The following MMP16 variants were observed in gnomAD, a reference collection of about 807,000 sequenced individuals.
The protein encoded by MMP16 is matrix metalloproteinase-16.
MMP16 carries 12 observed loss-of-function variants against 67.8 expected under a neutral mutation model. That is an observed-to-expected ratio of 0.18 (90% confidence interval 0.11 to 0.29). The LOEUF (loss-of-function observed/expected upper bound fraction) is 0.29. MMP16 is among the 10% of genes least tolerant of loss of function. The pLI is 1.00. For missense variants in MMP16, 475 were observed against 765.7 expected (o/e 0.62, Z 4.48); for synonymous variants, 249 against 255.9 (o/e 0.97, Z 0.26).
intron 4 of MMP16, among the ~76,000 whole-genome samples, chr8:88,153,525 T>G (rs1586178101): frequency 6.6e-6 from 1 of 151,858 alleles, no homozygotes; most frequent in African/African-American, 2.4e-5. Context: ...GAGATATAGA[T>G]CAATGGAACA....
intron 1 of MMP16, among the ~76,000 whole-genome samples, chr8:88,283,175 T>C (rs1162303712): frequency 2.0e-5 from 3 of 152,194 alleles, no homozygotes; most frequent in Non-Finnish European, 4.4e-5. Flanking sequence ...TTTAACATAG[T>C]TACATTGATT....
At chr8:88,280,042 ACATCTCT>A (rs757458344) in intron 1 of MMP16, among the ~76,000 whole-genome samples, 8 of 152,142 alleles carry the variant, frequency 5.3e-5, no homozygotes, top group Non-Finnish European at 1.2e-4. Flanking sequence ...CCTCCCTCCC[ACATCTCT>A]CATGACCAAG....
chr8:88,092,496 T>C (rs1808954912), intron 6 of MMP16, among the ~76,000 whole-genome samples: 1 of 151,876 alleles, frequency 6.6e-6, no homozygotes, highest in African/African-American at 2.4e-5. Context: ...TACTTATGTA[T>C]ATTTATGTGA....
chr8:88,036,728 T>C lies in MMP16; in HGVS notation c.*4733A>G, dbSNP rs1192073789. ...TACATATTGGCTGAGATTGCTGTAATAGGTCATCTGAAATGCACATTTTTG... is the reference window on the plus strand; with the variant it reads ...TACATATTGGCTGAGATTGCTGTAACAGGTCATCTGAAATGCACATTTTTG... On this transcript the variant is annotated 3_prime_UTR_variant, in exon 10 of 10. Coordinates refer to ENST00000286614, the MANE Select transcript of MMP16 (RefSeq NM_005941.5). 6.6e-6 allele frequency: 1 copy of C among 151,780 alleles called. No individual in the cohort carries two copies. Among genetic ancestry groups the C allele is most frequent in the Non-Finnish European group, 1.5e-5 (1 of 67,800 alleles). 9.4% of individuals were successfully genotyped at this position (151,780 alleles called of 1,614,324 possible).
chr8:88,292,775 G>A (rs1810946000), intron 1 of MMP16, among the ~76,000 whole-genome samples: 1 of 152,158 alleles, frequency 6.6e-6, no homozygotes, highest in African/African-American at 2.4e-5. Flanking sequence ...GAAACACATG[G>A]CTGAAAGGAT....
chr8:88,102,060 C>T (rs1470449671), intron 6 of MMP16, among the ~76,000 whole-genome samples: 1 of 151,878 alleles, frequency 6.6e-6, no homozygotes, highest in Non-Finnish European at 1.5e-5. Context: ...CTTCTGCTCT[C>T]ATATCAACAC....
chr8:88,242,408 T>G (rs949379878), intron 1 of MMP16, among the ~76,000 whole-genome samples: 1 of 152,222 alleles, frequency 6.6e-6, no homozygotes, highest in African/African-American at 2.4e-5. Context: ...TCAAGACACT[T>G]CCATACAAGG....
chr8:88,120,166 A>G (rs1319546280), intron 4 of MMP16, among the ~76,000 whole-genome samples: 1 of 151,918 alleles, frequency 6.6e-6, no homozygotes, highest in Non-Finnish European at 1.5e-5. Context: ...AGGGAACATC[A>G]TAGTCATAGG....
chr8:88,271,912 C>T (rs1392728759), intron 1 of MMP16, among the ~76,000 whole-genome samples: 3 of 152,054 alleles, frequency 2.0e-5, no homozygotes, highest in Non-Finnish European at 4.4e-5. Flanking sequence ...TATAAATGGG[C>T]GTTGGAGCTA....
chr8:88,118,959 T>C (rs1255071298), intron 4 of MMP16, 98 bp from the exon 5 acceptor site: 2 of 1,122,158 alleles, frequency 1.8e-6, no homozygotes, highest in East Asian at 2.6e-5. Context: ...CCAAGAAAAA[T>C]AGGAGGTACT....
At chr8:88,118,942 ATTTTACCC>A in intron 4 of MMP16, 81 bp from the exon 5 acceptor site, 3 of 1,346,396 alleles carry the variant, frequency 2.2e-6, no homozygotes, top group African/African-American at 1.5e-5. Context: ...TATTATCAAC[ATTTTACCC>A]AAGAAAAATA....
At position 88,041,851 on chromosome 8, in the gene MMP16, G is replaced by T; in HGVS notation, c.1490-56C>A. 1 of 1,286,036 alleles carries T rather than the reference G, an allele frequency of 7.8e-7. No individual in the cohort carries two copies. Among genetic ancestry groups the T allele is most frequent in the Non-Finnish European group, 1.1e-6 (1 of 920,926 alleles). The allele number at this position is 1,286,036 out of a possible 1,614,324, so 79.7% of individuals were successfully genotyped here. The stretch of plus-strand genomic sequence containing the variant: ...ACCACTTATTTGTGACAGTGTATAT[G>T]TAGAGAAATGTTACTAAAATAGGCT... On this transcript the variant is annotated intron_variant, in intron 9 of 9. Transcript: ENST00000286614. The surrounding 1 kb of genome is among the most constrained non-coding windows in gnomAD (Gnocchi z 6.0).
chr8:88,218,202 G>A (rs972670517), intron 1 of MMP16, among the ~76,000 whole-genome samples: 14 of 151,838 alleles, frequency 9.2e-5, no homozygotes, highest in African/African-American at 3.1e-4. Context: ...AACACAATAT[G>A]TTCATTTCTT....
chr8:88,232,846 A>G (rs1809883002), intron 1 of MMP16, among the ~76,000 whole-genome samples: 1 of 152,166 alleles, frequency 6.6e-6, no homozygotes, highest in Non-Finnish European at 1.5e-5. Flanking sequence ...AGGCTCAATA[A>G]GAAGAGAGGC....
chr8:88,054,322 A>G (rs929969848), intron 8 of MMP16, among the ~76,000 whole-genome samples: 20 of 152,152 alleles, frequency 1.3e-4, no homozygotes, highest in African/African-American at 4.8e-4. Flanking sequence ...TCCGTATAGT[A>G]CCGAGTTCTG....
intron 7 of MMP16, among the ~76,000 whole-genome samples, chr8:88,056,683 T>C (rs1808337272): frequency 6.6e-6 from 1 of 152,110 alleles, no homozygotes; most frequent in South Asian, 2.1e-4. Flanking sequence ...TGCCCTCAGA[T>C]TGGCTTAGTG....
chr8:88,217,704 A>G (rs1183820346), intron 1 of MMP16, among the ~76,000 whole-genome samples: 2 of 152,068 alleles, frequency 1.3e-5, no homozygotes, highest in African/African-American at 4.8e-5. Flanking sequence ...TTAAAATTAG[A>G]AAAAATTTGA....
intron 1 of MMP16, among the ~76,000 whole-genome samples, chr8:88,224,604 A>T (rs1373861548): frequency 6.6e-6 from 1 of 152,050 alleles, no homozygotes; most frequent in African/African-American, 2.4e-5. Flanking sequence ...ATGACCATGC[A>T]GACTATTGGA....
At position 88,194,118 on chromosome 8, in the gene MMP16, G is replaced by C. The variant is rs1809213722; in HGVS notation, c.281+3040C>G. 2.0e-5 allele frequency among the ~76,000 whole-genome samples: 3 copies of C among 151,752 alleles called. No individual in the cohort carries two copies. In the South Asian group the frequency reaches 6.2e-4, roughly 32 times the overall value. ...AAGGTAATACCTTAATTTATTGTTT[G>C]AAAATGGTTAATTTATTCAACATAA... On this transcript the variant is annotated intron_variant, in intron 2 of 9. Transcript: ENST00000286614.
Sources: allele counts gnomAD v4.1 joint callset (sites outside exome capture counted in the v4.1 genomes callset), GRCh38; gene constraint gnomAD v4.1.1; non-coding constraint Gnocchi (gnomAD v3.1); transcripts MANE v1.5; gene names NCBI Gene and HGNC (gene_info 2026-07-23, HGNC 2026-07-21).